Variants in ADGRD1 observed in about 807,000 individuals in gnomAD.
ADGRD1 encodes the protein adhesion G protein-coupled receptor D1, also known as G-protein coupled receptor 133.
In ADGRD1, 77 loss-of-function variants were observed where a neutral mutation model predicts 113.4. The ratio of observed to expected loss-of-function variants is 0.68; its 90% CI spans 0.57 to 0.82. The LOEUF is 0.82. ADGRD1 is among the 40% of genes least tolerant of loss of function. The pLI is 0.00. For missense variants in ADGRD1, 1,036 were observed against 1,139.1 expected, an observed-to-expected ratio of 0.91 and a Z score of 1.30; for synonymous variants, 474 against 475.0, an observed-to-expected ratio of 1.00 and a Z score of 0.03.
intron 15 of ADGRD1, among the ~76,000 whole-genome samples, chr12:131,099,283 T>C (rs1376722595): frequency 1.3e-5 from 2 of 152,190 alleles, no homozygotes; most frequent in Non-Finnish European, 2.9e-5. Flanking sequence ...TCAGTATTTC[T>C]CTCCCCCTCC....
At chr12:130,986,720 G>A (rs1873734767) in intron 5 of ADGRD1, 1 of 224,048 alleles carries the variant, frequency 4.5e-6, no homozygotes, top group Non-Finnish European at 8.9e-6. Flanking sequence ...GGACATCCTT[G>A]TCTCGCTCCT....
chr12:131,012,800 C>T (rs563299683), intron 12 of ADGRD1, among the ~76,000 whole-genome samples: 1 of 152,286 alleles, frequency 6.6e-6, no homozygotes, highest in South Asian at 2.1e-4. Context: ...GAAACAGGGA[C>T]CTGCAGGTTC....
At chr12:130,978,119 T>C (rs1755149811) in intron 4 of ADGRD1, 1 of 152,236 alleles carries the variant, frequency 6.6e-6, no homozygotes, top group South Asian at 2.1e-4. Context: ...TCAGCCCATA[T>C]AAGTTCTCCT....
intron 13 of ADGRD1, among the ~76,000 whole-genome samples, chr12:131,054,447 G>A (rs1320337021): frequency 6.6e-6 from 1 of 152,198 alleles, no homozygotes; most frequent in Non-Finnish European, 1.5e-5. Context: ...TAAGCCATTA[G>A]TGTCAAGCTA....
At chr12:131,107,032 G>A (rs1451840270) in intron 17 of ADGRD1, among the ~76,000 whole-genome samples, 1 of 152,234 alleles carries the variant, frequency 6.6e-6, no homozygotes, top group African/African-American at 2.4e-5. Flanking sequence ...ACTGTGTGCT[G>A]GCAGCAGGAG....
chr12:131,031,649 C>T (rs561013403), intron 13 of ADGRD1, among the ~76,000 whole-genome samples: 27 of 145,222 alleles, frequency 1.9e-4, no homozygotes, highest in African/African-American at 5.4e-4. Context: ...AGTTCTGGGG[C>T]CCCTCTCCAC....
chr12:130,961,231 T>C (rs1870318713), intron 2 of ADGRD1, among the ~76,000 whole-genome samples: 1 of 152,058 alleles, frequency 6.6e-6, no homozygotes, highest in South Asian at 2.1e-4. Context: ...AAATTAAAGG[T>C]TTTATTAAGT....
intron 13 of ADGRD1, chr12:131,024,793 C>G (rs1175380143): frequency 6.6e-6 from 1 of 152,300 alleles, no homozygotes; most frequent in African/African-American, 2.4e-5. Flanking sequence ...TTCCTTGAGG[C>G]ACCATTCAGG....
At chr12:131,020,837 C>T (rs1278436828) in intron 13 of ADGRD1, among the ~76,000 whole-genome samples, 1 of 152,240 alleles carries the variant, frequency 6.6e-6, no homozygotes, top group Non-Finnish European at 1.5e-5. Flanking sequence ...CAGCCCTGGA[C>T]ACAGGGTGCC....
chr12:131,031,009 G>A lies in ADGRD1; in HGVS notation c.1473+16669G>A, dbSNP rs1196881742. On this transcript the variant is annotated intron_variant, in intron 13 of 24. Coordinates refer to ENST00000261654, the MANE Select transcript of ADGRD1 (RefSeq NM_198827.5). ...CCCACAGCCAGGGCCCCCACCGAGGGCCGCTCTTTTCACCAGGGTTTCTGA... is the reference window on the plus strand; with the variant it reads ...CCCACAGCCAGGGCCCCCACCGAGGACCGCTCTTTTCACCAGGGTTTCTGA... Among the ~76,000 whole-genome samples, 3 of 152,188 alleles carry A rather than the reference G, an allele frequency of 2.0e-5. No individual in the cohort carries two copies. The East Asian group carries it at 5.8e-4, about 29-fold the overall frequency.
rs1468570392 is a variant in ADGRD1, at chr12:130,971,674, C to A, written c.310+94C>A. On this transcript the variant is annotated intron_variant, in intron 4 of 24. Coordinates refer to ENST00000261654, the MANE Select transcript of ADGRD1 (RefSeq NM_198827.5). This position sits in a 1 kb window ranked among gnomAD's most constrained non-coding sequence, Gnocchi z 4.2. ...GACTGGAAGATGTGAACCTGAGGTT[C>A]TCATCAATTGCAGAATGCGTGAGAA... is the stretch of plus-strand genomic sequence containing the variant. The A allele has an allele frequency of 2.2e-6, 3 of 1,351,558 alleles. No individual in the cohort carries two copies. The highest frequency in any genetic ancestry group is 2.9e-5 in the African/African-American group (2 of 67,928). The allele number at this position is 1,351,558 out of a possible 1,614,324, so 83.7% of individuals were successfully genotyped here.
At chr12:131,004,392 G>GCTGCGGTGCTCCCCTGGGCCGC (rs1876825058) in intron 11 of ADGRD1, 96 bp downstream of exon 11, 2 of 790,800 alleles carry the variant, frequency 2.5e-6, no homozygotes, top group Non-Finnish European at 4.2e-6. Context: ...GCGCCAGGGA[G>GCTGCGGTGCTCCCCTGGGCCGC]CTGCGGTGCT....
At chr12:131,032,433 C>T (rs1437549740) in intron 13 of ADGRD1, among the ~76,000 whole-genome samples, 1 of 152,214 alleles carries the variant, frequency 6.6e-6, no homozygotes, top group Non-Finnish European at 1.5e-5. Flanking sequence ...GAAGTACATG[C>T]GATGCCTCCG....
At chr12:130,988,026 G>A (rs1426003217) in intron 6 of ADGRD1, 3 of 152,814 alleles carry the variant, frequency 2.0e-5, no homozygotes, top group African/African-American at 7.3e-5. Context: ...CCCAGACTCT[G>A]GCAACCACGA....
rs1361537442 is a variant in ADGRD1 at position 131,060,172 on chromosome 12, T to C, written c.1474-16629T>C. Among the ~76,000 whole-genome samples, 1 of 152,236 alleles carries C rather than the reference T, an allele frequency of 6.6e-6. No individual in the cohort carries two copies. Among genetic ancestry groups the C allele is most frequent in the Non-Finnish European group, 1.5e-5 (1 of 68,046 alleles). ...CCCAGGGCTCTGCTGATGCCCCGCATTGCTTCTCCCCATGGCTTCACACTC... is the reference window on the plus strand; with the variant it reads ...CCCAGGGCTCTGCTGATGCCCCGCACTGCTTCTCCCCATGGCTTCACACTC... On this transcript the variant is annotated intron_variant, in intron 13 of 24. Transcript: ENST00000261654. The surrounding 1 kb of genome is among the most constrained non-coding windows in gnomAD (Gnocchi z 4.4).
chr12:131,120,759 G>C (rs1471874759), intron 19 of ADGRD1, 88 bp from the exon 20 acceptor site: 16 of 1,293,018 alleles, frequency 1.2e-5, no homozygotes, highest in East Asian at 4.6e-5. Context: ...AGCTGAGAAA[G>C]ACATCACCTT....
chr12:131,136,160 G>A lies in ADGRD1; in HGVS notation c.2391G>A (p.Leu797=). 10 of 1,614,052 alleles carry A rather than the reference G, an allele frequency of 6.2e-6. No individual in the cohort carries two copies. In the South Asian group the frequency reaches 9.9e-5, roughly 16 times the overall value. Residue 797 remains leucine, a synonymous_variant, in exon 22 of 25, where the codon CTG becomes CTA. Transcript: ENST00000261654. ...FQYMFATLNS[L]QGLFIFLFHC... is the part of the protein sequence containing the mutation. ...ACATGTTTGCCACGCTCAACTCCCT[G>A]CAGGTGAGAGCCGCGGGGACTGGCG...
At chr12:131,080,489 G>A (rs12426335) in intron 14 of ADGRD1, among the ~76,000 whole-genome samples, 8,732 of 152,154 alleles carry the variant, frequency 0.057, 262 homozygotes, top group East Asian at 0.082. Flanking sequence ...CAAGTCGATT[G>A]ATAGTTAAGA....
chr12:131,037,347 T>C (rs113167722), intron 13 of ADGRD1, among the ~76,000 whole-genome samples: 33 of 142,996 alleles, frequency 2.3e-4, no homozygotes, highest in African/African-American at 4.2e-4. Context: ...GCACCGGGCC[T>C]CACTCACTGC....
Sources: allele counts gnomAD v4.1 joint callset (sites outside exome capture counted in the v4.1 genomes callset), GRCh38; gene constraint gnomAD v4.1.1; non-coding constraint Gnocchi (gnomAD v3.1); transcripts MANE v1.5; gene names NCBI Gene and HGNC (gene_info 2026-07-23, HGNC 2026-07-21).